The following NETO1 variants were observed in gnomAD, a reference collection of about 807,000 sequenced individuals.
NETO1 encodes neuropilin and tolloid like 1, also known as neuropilin and tolloid-like protein 1.
NETO1 carries 26 observed loss-of-function variants against 61.3 expected under a neutral mutation model. The ratio of observed to expected loss-of-function variants is 0.42; its 90% CI spans 0.31 to 0.59. NETO1 has a LOEUF of 0.59. Ranked by LOEUF, NETO1 falls within the 20% of genes least tolerant of loss-of-function variation. The pLI, the probability that NETO1 is intolerant of heterozygous loss-of-function variation, is 0.12. For synonymous variants in NETO1, 225 were observed against 225.8 expected (o/e 1.00, Z 0.03); for missense variants, 531 against 662.8 (o/e 0.80, Z 2.18).
intron 4 of NETO1, among the ~76,000 whole-genome samples, chr18:72,827,716 CAAAAA>C (rs535573315): frequency 2.0e-5 from 2 of 100,396 alleles, no homozygotes; most frequent in African/African-American, 3.9e-5. Flanking sequence ...GACCCTGTCT[CAAAAA>C]AAAAAAAAAA....
At chr18:72,834,310 A>C (rs1037622157) in intron 4 of NETO1, 26 of 864,982 alleles carry the variant, frequency 3.0e-5, no homozygotes, top group Non-Finnish European at 3.6e-5. Flanking sequence ...TAAATGACAA[A>C]ACTGTAGTTT....
chr18:72,815,691 C>A (rs1389409981), intron 4 of NETO1, among the ~76,000 whole-genome samples: 1 of 152,174 alleles, frequency 6.6e-6, no homozygotes, highest in Admixed American at 6.5e-5. Flanking sequence ...AAACTCCTGT[C>A]CGCTGCTGAC....
chr18:72,758,933 C>A (rs932400985), intron 7 of NETO1, among the ~76,000 whole-genome samples: 1 of 152,084 alleles, frequency 6.6e-6, no homozygotes, highest in Non-Finnish European at 1.5e-5. Flanking sequence ...TTTATAGACA[C>A]CCAAAGTATA....
intron 4 of NETO1, among the ~76,000 whole-genome samples, chr18:72,814,310 G>T (rs1251350431): frequency 6.6e-6 from 1 of 152,018 alleles, no homozygotes; most frequent in Non-Finnish European, 1.5e-5. Context: ...TTTTTCAAGG[G>T]AATAATGACA....
chr18:72,780,155 C>G (rs2071687867), intron 7 of NETO1, among the ~76,000 whole-genome samples: 1 of 152,182 alleles, frequency 6.6e-6, no homozygotes, highest in Admixed American at 6.5e-5. Context: ...GGTAACATGA[C>G]TAAAGGATAA....
In NETO1 at chr18:72,777,442, C is replaced by CAA. The variant is rs536187354; in HGVS notation, c.868+6234_868+6235dup. Among the ~76,000 whole-genome samples, 119 of 85,316 alleles carry CAA rather than the reference C, an allele frequency of 1.4e-3. 1 individual carries two copies. Among genetic ancestry groups the CAA allele is most frequent in the Non-Finnish European group, 2.0e-3 (92 of 45,130 alleles). 56.0% of individuals were successfully genotyped at this position (85,316 alleles called of 152,430 possible). On this transcript the variant is annotated intron_variant, in intron 7 of 10. Transcript: ENST00000327305. ...CTGAAAAAAAAAAACAAAACAACAA[C>CAA]AAAAAAAAAACAAAAAAGGCCGGGC...
At chr18:72,827,716 C>CAAAAAA (rs535573315) in intron 4 of NETO1, among the ~76,000 whole-genome samples, 9 of 100,094 alleles carry the variant, frequency 9.0e-5, no homozygotes, top group Non-Finnish European at 9.9e-5. Flanking sequence ...GACCCTGTCT[C>CAAAAAA]AAAAAAAAAA....
intron 7 of NETO1, among the ~76,000 whole-genome samples, chr18:72,782,410 C>T (rs1260398426): frequency 6.6e-6 from 1 of 152,130 alleles, no homozygotes; most frequent in Non-Finnish European, 1.5e-5. Flanking sequence ...AAACTGCTTT[C>T]CACAGTGGCT....
At chr18:72,854,180 A>G (rs1332158814) in intron 4 of NETO1, among the ~76,000 whole-genome samples, 3 of 152,200 alleles carry the variant, frequency 2.0e-5, no homozygotes, top group Admixed American at 1.3e-4. Context: ...TTGGGCAAAA[A>G]GTCCCTAAAA....
intron 7 of NETO1, among the ~76,000 whole-genome samples, chr18:72,777,249 C>A (rs1240380495): frequency 6.6e-6 from 1 of 151,872 alleles, no homozygotes; most frequent in Middle Eastern, 3.2e-3. Context: ...GAAACCCAGT[C>A]TCTACTAAAT....
intron 4 of NETO1, among the ~76,000 whole-genome samples, chr18:72,824,685 C>T (rs1308932915): frequency 6.8e-6 from 1 of 146,976 alleles, no homozygotes; most frequent in African/African-American, 2.5e-5. Flanking sequence ...GCCAACATGG[C>T]GAAACCCCGT....
At chr18:72,829,605 G>A (rs1412327313) in intron 4 of NETO1, among the ~76,000 whole-genome samples, 1 of 152,106 alleles carries the variant, frequency 6.6e-6, no homozygotes. Flanking sequence ...ATAGTTCTAT[G>A]CTTGGTTTAC....
chr18:72,784,625 A>T (rs1311864019), intron 6 of NETO1, among the ~76,000 whole-genome samples: 1 of 152,218 alleles, frequency 6.6e-6, no homozygotes, highest in African/African-American at 2.4e-5. Flanking sequence ...GCTCAGACTC[A>T]GATGGTATAA....
intron 4 of NETO1, among the ~76,000 whole-genome samples, chr18:72,856,967 A>G (rs1456593393): frequency 6.6e-6 from 1 of 152,132 alleles, no homozygotes; most frequent in Non-Finnish European, 1.5e-5. Context: ...ATCCCTTCCC[A>G]CTTCCTATTT....
intron 4 of NETO1, among the ~76,000 whole-genome samples, chr18:72,817,536 G>C (rs563147507): frequency 6.6e-5 from 10 of 152,172 alleles, no homozygotes; most frequent in Non-Finnish European, 1.5e-4. Context: ...TAAAGATTCG[G>C]TACAAATACC....
At position 72,866,655 on chromosome 18, in the gene NETO1, C is replaced by T. The variant is rs368488433; in HGVS notation, c.28+609G>A. ...TTAGTAATGATACATTTCCACCACA[C>T]ATTTTCTTATACTGCCTTTTACTCG... On this transcript the variant is annotated intron_variant, in intron 1 of 10. Coordinates refer to ENST00000327305, the MANE Select transcript of NETO1 (RefSeq NM_138966.5). 7 of 934,192 alleles carry T rather than the reference C, an allele frequency of 7.5e-6. No individual in the cohort carries two copies. In the East Asian group the frequency reaches 3.5e-4, roughly 47 times the overall value. 57.9% of individuals were successfully genotyped at this position (934,192 alleles called of 1,614,324 possible).
At chr18:72,803,040 C>T (rs1006492115) in intron 4 of NETO1, among the ~76,000 whole-genome samples, 3 of 152,088 alleles carry the variant, frequency 2.0e-5, no homozygotes, top group Non-Finnish European at 4.4e-5. Context: ...GCTTGAAAAG[C>T]ATATTACAGT....
intron 1 of NETO1, chr18:72,866,764 G>A: frequency 1.0e-6 from 1 of 991,130 alleles, no homozygotes. Context: ...CGACATCAGC[G>A]GTCTCCAGGG....
At chr18:72,795,603 T>A (rs1599015511) in intron 4 of NETO1, among the ~76,000 whole-genome samples, 1 of 152,212 alleles carries the variant, frequency 6.6e-6, no homozygotes, top group Non-Finnish European at 1.5e-5. Context: ...ATACTCTTTT[T>A]TTTCCATTTG....
Sources: gnomAD v4.1 joint callset for allele counts (sites outside exome capture counted in the v4.1 genomes callset) on GRCh38, gnomAD v4.1.1 for gene constraint, MANE v1.5 for transcripts, NCBI Gene and HGNC (gene_info 2026-07-23, HGNC 2026-07-21) for gene names.